The following SYNJ2BP variants were observed in gnomAD, a reference collection of about 807,000 sequenced individuals.
SYNJ2BP encodes the protein synaptojanin 2 binding protein, also known as synaptojanin-2-binding protein.
SYNJ2BP carries 10 observed loss-of-function variants against 16.9 expected under a neutral mutation model. The observed-to-expected ratio is 0.59, with a 90% CI of 0.36 to 1.00. The LOEUF is 1.00. Among genes scored for constraint, SYNJ2BP ranks in the 50% least tolerant of loss-of-function variants. SYNJ2BP has a pLI of 0.01. For synonymous variants in SYNJ2BP, 54 were observed against 68.4 expected (o/e 0.79, Z 1.04); for missense variants, 162 against 186.7 (o/e 0.87, Z 0.77).
intron 2 of SYNJ2BP, among the ~76,000 whole-genome samples, chr14:70,386,912 A>G (rs1479355510): frequency 1.3e-5 from 2 of 152,196 alleles, no homozygotes. Flanking sequence ...AATTCTGCCA[A>G]TCAAGACTTC....
chr14:70,407,891 G>A (rs898882260), intron 1 of SYNJ2BP, among the ~76,000 whole-genome samples: 11 of 152,074 alleles, frequency 7.2e-5, no homozygotes, highest in African/African-American at 2.7e-4. Flanking sequence ...TTACCCTATT[G>A]CAATATTCGT....
intron 2 of SYNJ2BP, among the ~76,000 whole-genome samples, chr14:70,380,381 AGGCCAGGCATGGT>A (rs1208877945): frequency 8.5e-5 from 13 of 152,142 alleles, no homozygotes; most frequent in African/African-American, 3.1e-4. Flanking sequence ...TTAAGAGTTG[AGGCCAGGCATGGT>A]GGCTCACACC....
chr14:70,405,972 G>A (rs1390466916), intron 1 of SYNJ2BP, among the ~76,000 whole-genome samples: 1 of 152,104 alleles, frequency 6.6e-6, no homozygotes, highest in African/African-American at 2.4e-5. Flanking sequence ...TATTTATTGT[G>A]TCTTGTGATC....
rs1019381817 is a variant in SYNJ2BP at position 70,369,844 on chromosome 14, TAAA to T, written c.*3144_*3146del. The T allele has an allele frequency of 1.3e-5, 2 of 152,206 alleles. No individual in the cohort carries two copies. The highest frequency in any genetic ancestry group is 6.5e-5 in the Admixed American group (1 of 15,288). 9.4% of individuals were successfully genotyped at this position (152,206 alleles called of 1,614,324 possible). On this transcript the variant is annotated 3_prime_UTR_variant, in exon 4 of 4. Coordinates refer to ENST00000256366, the MANE Select transcript of SYNJ2BP (RefSeq NM_018373.3). ...ATGATAGAGAAATGTTTTAAGTACT[TAAA>T]AATACCTTCGTTCAATTTTCAAAAC...
chr14:70,398,048 G>A (rs560288356), intron 1 of SYNJ2BP, among the ~76,000 whole-genome samples: 1 of 152,346 alleles, frequency 6.6e-6, no homozygotes, highest in South Asian at 2.1e-4. Flanking sequence ...TCTCAGCAGA[G>A]AGGGTAGCTC....
chr14:70,378,120 T>C (rs1331552749), intron 2 of SYNJ2BP, among the ~76,000 whole-genome samples: 1 of 152,242 alleles, frequency 6.6e-6, no homozygotes, highest in Non-Finnish European at 1.5e-5. Context: ...TCTTAAATTA[T>C]TCCTTTCCGG....
At chr14:70,375,539 C>T in intron 3 of SYNJ2BP, 137 bp downstream of exon 3, 1 of 1,113,318 alleles carries the variant, frequency 9.0e-7, no homozygotes, top group Non-Finnish European at 1.2e-6. Flanking sequence ...CCAATGGACC[C>T]CTCCCTTTGC....
intron 1 of SYNJ2BP, among the ~76,000 whole-genome samples, chr14:70,398,916 C>A (rs1165257699): frequency 6.6e-6 from 1 of 152,170 alleles, no homozygotes; most frequent in Non-Finnish European, 1.5e-5. Context: ...ACAGCCCTGC[C>A]TATAGGGGGC....
chr14:70,410,093 G>A (rs989842604), intron 1 of SYNJ2BP, among the ~76,000 whole-genome samples: 5 of 151,764 alleles, frequency 3.3e-5, no homozygotes, highest in African/African-American at 1.2e-4. Context: ...ACTCCAGACT[G>A]GGGGACAGAG....
intron 3 of SYNJ2BP, among the ~76,000 whole-genome samples, chr14:70,374,161 C>T (rs1277989700): frequency 6.6e-6 from 1 of 152,228 alleles, no homozygotes; most frequent in African/African-American, 2.4e-5. Context: ...TAACTTCTCA[C>T]ATACCTTCCA....
intron 2 of SYNJ2BP, among the ~76,000 whole-genome samples, chr14:70,387,240 T>C (rs1394233091): frequency 6.6e-6 from 1 of 152,146 alleles, no homozygotes; most frequent in African/African-American, 2.4e-5. Flanking sequence ...GTCCTGAAGA[T>C]TAATAAAAAA....
At chr14:70,378,465 G>A (rs76164890) in intron 2 of SYNJ2BP, among the ~76,000 whole-genome samples, 2,931 of 113,096 alleles carry the variant, frequency 0.026, 111 homozygotes, top group African/African-American at 0.094. Flanking sequence ...GTCTTGCTCT[G>A]TCCCTCAGGC....
rs531878414 is a variant in SYNJ2BP, at chr14:70,408,230, C to T, written c.64+8670G>A. ...TCCCTGAAATTACTGACACAGCTTA[C>T]CCTACCCTTCCTAGATGACTCAATT... On this transcript the variant is annotated intron_variant, in intron 1 of 3. Transcript: ENST00000256366. Among the ~76,000 whole-genome samples the T allele has an allele frequency of 3.9e-5, 6 of 152,026 alleles. No individual in the cohort carries two copies. The East Asian group carries it at 9.7e-4, about 24-fold the overall frequency.
At chr14:70,386,300 A>G (rs1189379527) in intron 2 of SYNJ2BP, among the ~76,000 whole-genome samples, 1 of 152,178 alleles carries the variant, frequency 6.6e-6, no homozygotes, top group Non-Finnish European at 1.5e-5. Context: ...ACTTTTCACT[A>G]TCCTTTTGAG....
chr14:70,381,073 A>G (rs1203335395), intron 2 of SYNJ2BP, among the ~76,000 whole-genome samples: 1 of 152,196 alleles, frequency 6.6e-6, no homozygotes, highest in Admixed American at 6.5e-5. Flanking sequence ...AAAAGCCATA[A>G]ATACACAAAG....
chr14:70,374,846 T>C (rs1415008596), intron 3 of SYNJ2BP, among the ~76,000 whole-genome samples: 2 of 152,178 alleles, frequency 1.3e-5, no homozygotes, highest in East Asian at 3.8e-4. Context: ...GTTCCTTCCC[T>C]ACCAAAAAGT....
At chr14:70,388,007 A>C (rs1304902771) in intron 2 of SYNJ2BP, among the ~76,000 whole-genome samples, 1 of 152,176 alleles carries the variant, frequency 6.6e-6, no homozygotes, top group Non-Finnish European at 1.5e-5. Flanking sequence ...ATAATGGGTG[A>C]AAAAGGGCTC....
intron 1 of SYNJ2BP, among the ~76,000 whole-genome samples, chr14:70,400,887 G>A (rs888586789): frequency 3.9e-5 from 6 of 152,190 alleles, no homozygotes; most frequent in African/African-American, 1.4e-4. Context: ...TGTGGCATAT[G>A]TTCCCCAGCC....
intron 2 of SYNJ2BP, among the ~76,000 whole-genome samples, chr14:70,380,433 G>C (rs1887722112): frequency 6.6e-6 from 1 of 152,152 alleles, no homozygotes; most frequent in Admixed American, 6.6e-5. Context: ...GGAGGCCAAG[G>C]AGGGCGAATC....
Sources: allele counts gnomAD v4.1 joint callset (sites outside exome capture counted in the v4.1 genomes callset), GRCh38; gene constraint gnomAD v4.1.1; transcripts MANE v1.5; gene names NCBI Gene and HGNC (gene_info 2026-07-23, HGNC 2026-07-21).